SKIC2: variants seen among roughly 807,000 people sequenced by gnomAD.
SKIC2 encodes the protein superkiller complex protein 2.
chr6:31,960,839 G>C, the SKIC2 span: 1 of 1,016,550 alleles, frequency 9.8e-7, no homozygotes, highest in South Asian at 1.6e-5. Context: ...ATTAGAAAAA[G>C]ATATTCTGTC....
At chr6:31,960,987 A>G in the SKIC2 span, 1 of 1,281,054 alleles carries the variant, frequency 7.8e-7, no homozygotes, top group South Asian at 1.2e-5. Context: ...TATATAATGT[A>G]CACAATTTGT....
the SKIC2 span, chr6:31,969,266 C>T: frequency 5.6e-6 from 9 of 1,613,898 alleles, no homozygotes; most frequent in African/African-American, 1.1e-4. This position sits in a 1 kb window ranked among gnomAD's most constrained non-coding sequence, Gnocchi z 6.1. Flanking sequence ...TTAACCTCTC[C>T]TTCTTTCCTG....
At chr6:31,964,342 G>GGT in the SKIC2 span, 1 of 1,610,644 alleles carries the variant, frequency 6.2e-7, no homozygotes, top group Non-Finnish European at 8.5e-7. This position sits in a 1 kb window ranked among gnomAD's most constrained non-coding sequence, Gnocchi z 5.0. Context: ...GCCTGGTCAA[G>GGT]GTGCATGTGG....
At chr6:31,963,899 C>G in the SKIC2 span, 12 of 1,604,898 alleles carry the variant, frequency 7.5e-6, no homozygotes, top group Non-Finnish European at 1.0e-5. This position sits in a 1 kb window ranked among gnomAD's most constrained non-coding sequence, Gnocchi z 5.3. Context: ...TTCCCCTTCC[C>G]CTTCCTTCTC....
the SKIC2 span, chr6:31,959,970 C>T: frequency 7.1e-7 from 1 of 1,413,514 alleles, no homozygotes; most frequent in Non-Finnish European, 1.0e-6. Context: ...ATTTTATCCT[C>T]TTTCCTTACC....
the SKIC2 span, chr6:31,963,917 G>T: frequency 6.2e-7 from 1 of 1,609,538 alleles, no homozygotes; most frequent in Non-Finnish European, 8.5e-7. The surrounding 1 kb of genome is among the most constrained non-coding windows in gnomAD (Gnocchi z 5.3). Flanking sequence ...CTCCAGGACC[G>T]CGGAGTGTAC....
chr6:31,960,606 C>T, the SKIC2 span: 3 of 1,576,124 alleles, frequency 1.9e-6, no homozygotes, highest in Admixed American at 3.4e-5. Context: ...GGGAAGGGTT[C>T]CCCACCTATC....
the SKIC2 span, chr6:31,963,492 A>T: frequency 2.5e-6 from 4 of 1,612,154 alleles, no homozygotes; most frequent in South Asian, 4.4e-5. This position sits in a 1 kb window ranked among gnomAD's most constrained non-coding sequence, Gnocchi z 5.3. Context: ...TTTCACAGGG[A>T]ACAGCTCCAA....
the SKIC2 span, chr6:31,961,614 C>G: frequency 6.2e-7 from 1 of 1,613,068 alleles, no homozygotes; most frequent in Non-Finnish European, 8.5e-7. Flanking sequence ...TGGGCCATCC[C>G]TGTGGACGCC....
chr6:31,969,696 C>A, the SKIC2 span: 1 of 1,599,598 alleles, frequency 6.3e-7, no homozygotes, highest in South Asian at 1.1e-5. The surrounding 1 kb of genome is among the most constrained non-coding windows in gnomAD (Gnocchi z 6.1). Context: ...GTATTTGCGG[C>A]CAGCCTCTAC....
At chr6:31,965,984 G>A in the SKIC2 span, 13 of 1,607,490 alleles carry the variant, frequency 8.1e-6, no homozygotes, top group Middle Eastern at 1.7e-4. This position sits in a 1 kb window ranked among gnomAD's most constrained non-coding sequence, Gnocchi z 5.6. Context: ...CCGAGTGCCC[G>A]AGATGGCAGA....
the SKIC2 span, chr6:31,962,055 G>A: frequency 6.2e-7 from 1 of 1,612,350 alleles, no homozygotes; most frequent in Non-Finnish European, 8.5e-7. This position sits in a 1 kb window ranked among gnomAD's most constrained non-coding sequence, Gnocchi z 5.0. Context: ...ACATGACACG[G>A]TATGAGTTCC....
chr6:31,968,602 G>T, the SKIC2 span: 1 of 1,555,398 alleles, frequency 6.4e-7, no homozygotes, highest in Non-Finnish European at 8.9e-7. The surrounding 1 kb of genome is among the most constrained non-coding windows in gnomAD (Gnocchi z 6.1). Context: ...GTCCCCTGTA[G>T]ACTGACCGCC....
At chr6:31,964,242 T>C in the SKIC2 span, 4 of 1,612,990 alleles carry the variant, frequency 2.5e-6, no homozygotes, top group South Asian at 1.1e-5. This position sits in a 1 kb window ranked among gnomAD's most constrained non-coding sequence, Gnocchi z 5.0. Flanking sequence ...GTCCTGCACA[T>C]GTCAGAGCTC....
the SKIC2 span, chr6:31,967,455 C>A: frequency 1.7e-6 from 2 of 1,146,394 alleles, no homozygotes; most frequent in Non-Finnish European, 2.6e-6. This position sits in a 1 kb window ranked among gnomAD's most constrained non-coding sequence, Gnocchi z 4.9. Flanking sequence ...TTGGCCAGGG[C>A]AGGTTGCGTC....
the SKIC2 span, chr6:31,965,864 G>C: frequency 2.5e-6 from 4 of 1,612,912 alleles, no homozygotes; most frequent in Middle Eastern, 1.7e-4. The surrounding 1 kb of genome is among the most constrained non-coding windows in gnomAD (Gnocchi z 5.6). Context: ...GCGCAAACAC[G>C]ATGGCTCCAC....
At chr6:31,967,156 G>A in the SKIC2 span, 1 of 1,608,164 alleles carries the variant, frequency 6.2e-7, no homozygotes, top group Non-Finnish European at 8.5e-7. The surrounding 1 kb of genome is among the most constrained non-coding windows in gnomAD (Gnocchi z 4.9). Flanking sequence ...GCAAGTGTGA[G>A]TGCTGAGGAG....
the SKIC2 span, chr6:31,964,411 G>C: frequency 1.7e-6 from 2 of 1,183,066 alleles, no homozygotes; most frequent in South Asian, 2.5e-5. This position sits in a 1 kb window ranked among gnomAD's most constrained non-coding sequence, Gnocchi z 5.0. Context: ...CCAGAGGGCA[G>C]AGGGGCAGAG....
At chr6:31,960,160 C>T in the SKIC2 span, 2 of 1,607,232 alleles carry the variant, frequency 1.2e-6, no homozygotes, top group South Asian at 1.1e-5. Context: ...TGATGGGTTC[C>T]TGAAGGAAGC....
Sources: allele counts gnomAD v4.1 joint callset, GRCh38; gene constraint gnomAD v4.1.1; non-coding constraint Gnocchi (gnomAD v3.1); transcripts MANE v1.5; gene names NCBI Gene and HGNC (gene_info 2026-07-23, HGNC 2026-07-21).